The following MALRD1 variants were observed in gnomAD, a reference collection of about 807,000 sequenced individuals.
MALRD1 encodes the protein MAM and LDL-receptor class A domain-containing protein 1.
Under a neutral mutation model 242.1 loss-of-function variants are expected in MALRD1, and 247 were observed. The ratio of observed to expected loss-of-function variants is 1.02; its 90% CI spans 0.92 to 1.13. The LOEUF (loss-of-function observed/expected upper bound fraction) is 1.13. Ranked by LOEUF, MALRD1 falls within the 50% of genes most tolerant of loss-of-function variation. MALRD1 has a pLI of 0.00. For missense variants in MALRD1, 2,989 were observed against 2,533.1 expected (o/e 1.18, Z -3.86); for synonymous variants, 995 against 866.6 (o/e 1.15, Z -2.60).
chr10:19,707,213 CCTT>C (rs1833906729), intron 38 of MALRD1, among the ~76,000 whole-genome samples: 2 of 151,594 alleles, frequency 1.3e-5, no homozygotes, highest in East Asian at 2.0e-4. Context: ...TCCTTCTCCT[CCTT>C]CTTCTTCTCC....
intron 2 of MALRD1, among the ~76,000 whole-genome samples, chr10:19,085,169 C>T (rs1413127862): frequency 1.3e-5 from 2 of 152,002 alleles, no homozygotes; most frequent in East Asian, 3.9e-4. Flanking sequence ...CTGGTTAGAG[C>T]TGTAGTAAAG....
At chr10:19,378,535 T>A (rs779433787) in intron 26 of MALRD1, among the ~76,000 whole-genome samples, 1 of 152,178 alleles carries the variant, frequency 6.6e-6, no homozygotes, top group Non-Finnish European at 1.5e-5. Context: ...CTTGATCTGA[T>A]GTGTGCCAGA....
chr10:19,328,623 G>A (rs565586910), intron 23 of MALRD1, among the ~76,000 whole-genome samples: 1 of 152,244 alleles, frequency 6.6e-6, no homozygotes, highest in East Asian at 1.9e-4. Flanking sequence ...TCCAGTGGGA[G>A]TATACAGGCT....
At position 19,245,311 on chromosome 10, in the gene MALRD1, AT is replaced by A. The variant is rs374179642; in HGVS notation, c.2992-12366del. Among the ~76,000 whole-genome samples, 1,424 of 152,244 alleles carry A rather than the reference AT, an allele frequency of 9.4e-3. 26 individuals carry two copies. The highest frequency in any genetic ancestry group is 9.6e-3 in the Non-Finnish European group (651 of 68,008). On this transcript the variant is annotated intron_variant, in intron 18 of 39. Transcript: ENST00000454679. ...AGAGAGCTCATCTGAATTACAAATG[AT>A]TTTTTTGTGTAGTCTTTAGCTGGTT...
At chr10:19,171,836 AC>A (rs1834983683) in intron 13 of MALRD1, among the ~76,000 whole-genome samples, 1 of 144,896 alleles carries the variant, frequency 6.9e-6, no homozygotes, top group Non-Finnish European at 1.5e-5. Flanking sequence ...ATACATATAT[AC>A]ACATATATAC....
intron 29 of MALRD1, among the ~76,000 whole-genome samples, chr10:19,487,037 C>T (rs557078128): frequency 6.6e-6 from 1 of 152,110 alleles, no homozygotes; most frequent in Non-Finnish European, 1.5e-5. Flanking sequence ...TAGGTCTTTA[C>T]ATCTCTGTTT....
intron 4 of MALRD1, among the ~76,000 whole-genome samples, chr10:19,088,596 T>C (rs1314468253): frequency 7.4e-6 from 1 of 134,606 alleles, no homozygotes; most frequent in Non-Finnish European, 1.6e-5. Flanking sequence ...TTTATTTTTT[T>C]TTATTATACT....
chr10:19,381,358 C>T (rs554881141), intron 26 of MALRD1, among the ~76,000 whole-genome samples: 21 of 151,570 alleles, frequency 1.4e-4, no homozygotes, highest in East Asian at 7.8e-4. Flanking sequence ...TGAATAATGC[C>T]GCAATAAACA....
chr10:19,324,639 C>T (rs1246991335), intron 22 of MALRD1, among the ~76,000 whole-genome samples: 3 of 150,438 alleles, frequency 2.0e-5, no homozygotes, highest in Non-Finnish European at 4.4e-5. Context: ...TGGTAATGTC[C>T]CCTATAGAAA....
chr10:19,175,380 C>T (rs1458902149), intron 14 of MALRD1, 52 bp downstream of exon 14: 44 of 1,204,232 alleles, frequency 3.7e-5, no homozygotes, highest in Non-Finnish European at 4.3e-5. Flanking sequence ...TTAAGCTCTT[C>T]TCAGTATCAA....
intron 35 of MALRD1, among the ~76,000 whole-genome samples, chr10:19,610,294 C>G (rs1226799768): frequency 6.6e-6 from 1 of 151,888 alleles, no homozygotes; most frequent in Non-Finnish European, 1.5e-5. Flanking sequence ...CATTACCCTA[C>G]TGTGCAGTAG....
intron 2 of MALRD1, among the ~76,000 whole-genome samples, chr10:19,087,633 C>T (rs541723432): frequency 1.3e-4 from 20 of 151,242 alleles, no homozygotes; most frequent in African/African-American, 4.6e-4. Flanking sequence ...GTATCCAATG[C>T]GTAATAATCA....
intron 5 of MALRD1, among the ~76,000 whole-genome samples, chr10:19,117,398 G>A (rs1237879876): frequency 6.6e-6 from 1 of 151,450 alleles, no homozygotes; most frequent in Non-Finnish European, 1.5e-5. Flanking sequence ...TTAATTCCAT[G>A]CAATTTGTAC....
chr10:19,659,701 G>T (rs1371728994), intron 36 of MALRD1, among the ~76,000 whole-genome samples: 1 of 151,888 alleles, frequency 6.6e-6, no homozygotes. Context: ...CATATAGATT[G>T]CATATTTAAT....
In MALRD1 at chr10:19,114,807, C is replaced by T. The variant is rs73591912; in HGVS notation, c.695-8685C>T. ...TTCTTGATTATTGAGGCCAGACATC[C>T]AAGTTCAAAATGTCAGCAGGATTGA... On this transcript the variant is annotated intron_variant, in intron 5 of 39. Transcript: ENST00000454679. Among the ~76,000 whole-genome samples, 491 of 152,234 alleles carry T rather than the reference C, an allele frequency of 3.2e-3. 1 individual carries two copies. The highest frequency in any genetic ancestry group is 0.011 in the African/African-American group (449 of 41,544).
intron 14 of MALRD1, among the ~76,000 whole-genome samples, chr10:19,183,588 C>A (rs1835615362): frequency 6.6e-6 from 1 of 152,020 alleles, no homozygotes; most frequent in Non-Finnish European, 1.5e-5. Context: ...ACACAATTTA[C>A]TTTCTTTTTT....
At chr10:19,276,460 T>C (rs915535248) in intron 19 of MALRD1, among the ~76,000 whole-genome samples, 3 of 152,188 alleles carry the variant, frequency 2.0e-5, no homozygotes, top group Non-Finnish European at 4.4e-5. Flanking sequence ...CTGAGACATA[T>C]AAAATATCCA....
At chr10:19,701,160 C>T (rs866364238) in intron 38 of MALRD1, among the ~76,000 whole-genome samples, 79 of 152,030 alleles carry the variant, frequency 5.2e-4, no homozygotes, top group African/African-American at 1.8e-3. Flanking sequence ...CTAAAAATAA[C>T]ATAAAATAAA....
At chr10:19,652,970 A>G (rs544539622) in intron 36 of MALRD1, among the ~76,000 whole-genome samples, 2 of 152,322 alleles carry the variant, frequency 1.3e-5, no homozygotes, top group South Asian at 2.1e-4. Flanking sequence ...AGGAATCACC[A>G]TGGGCATAAT....
Sources: allele counts gnomAD v4.1 joint callset (sites outside exome capture counted in the v4.1 genomes callset), GRCh38; gene constraint gnomAD v4.1.1; transcripts MANE v1.5; gene names NCBI Gene and HGNC (gene_info 2026-07-23, HGNC 2026-07-21).